C3orf49: variants seen among roughly 807,000 people sequenced by gnomAD.
C3orf49 encodes chromosome 3 open reading frame 49.
C3orf49 carries 27 observed loss-of-function variants against 13.3 expected under a neutral mutation model. That is an observed-to-expected ratio of 2.02 (90% confidence interval 1.49 to 2.79). C3orf49 has a LOEUF of 2.79. Among genes scored for constraint, C3orf49 ranks in the 30% most tolerant of loss-of-function variants. The probability of loss-of-function intolerance (pLI) is 0.00; values close to 1 mark genes in which losing one functional copy is unlikely to be tolerated. For missense variants in C3orf49, 242 were observed against 134.2 expected, an observed-to-expected ratio of 1.80 and a Z score of -3.97; for synonymous variants, 87 against 47.6, an observed-to-expected ratio of 1.83 and a Z score of -3.40.
intron 1 of C3orf49, among the ~76,000 whole-genome samples, chr3:63,821,401 T>G (rs1701392075): frequency 6.6e-6 from 1 of 152,186 alleles, no homozygotes; most frequent in Non-Finnish European, 1.5e-5. Flanking sequence ...ATATTAGAAA[T>G]ATATGTTATA....
chr3:63,781,200 C>G, the C3orf49 span, among the ~76,000 whole-genome samples: 8 of 150,716 alleles, frequency 5.3e-5, no homozygotes, highest in African/African-American at 2.0e-4. Flanking sequence ...TTTCAGCTTT[C>G]TACATATGGC....
the C3orf49 span, among the ~76,000 whole-genome samples, chr3:63,781,937 G>T: frequency 6.6e-6 from 1 of 152,152 alleles, no homozygotes; most frequent in African/African-American, 2.4e-5. Context: ...AAGACATTAG[G>T]TAACTTTCAG....
At chr3:63,821,604 C>T (rs568224375) in intron 1 of C3orf49, among the ~76,000 whole-genome samples, 2 of 152,082 alleles carry the variant, frequency 1.3e-5, no homozygotes, top group African/African-American at 4.8e-5. Context: ...ACATCATGGA[C>T]TATTACTCAG....
the C3orf49 span, among the ~76,000 whole-genome samples, chr3:63,797,219 T>TTCTC: frequency 6.6e-6 from 1 of 151,984 alleles, no homozygotes. Flanking sequence ...TTTCAAGATT[T>TTCTC]TCTCTCTCTC....
the C3orf49 span, among the ~76,000 whole-genome samples, chr3:63,801,384 T>TA: frequency 1.9e-4 from 28 of 149,106 alleles, no homozygotes; most frequent in South Asian, 1.3e-3. Context: ...TAGACAAAAA[T>TA]AAAAAAAAAC....
chr3:63,802,370 A>G, the C3orf49 span, among the ~76,000 whole-genome samples: 1 of 152,252 alleles, frequency 6.6e-6, no homozygotes, highest in South Asian at 2.1e-4. Context: ...TCAGAAAAGG[A>G]TAATGATATG....
chr3:63,816,518 A>T (rs1371269167), upstream of C3orf49, among the ~76,000 whole-genome samples: 3 of 151,664 alleles, frequency 2.0e-5, no homozygotes, highest in Admixed American at 2.0e-4. Context: ...CCCAGAAGGT[A>T]GAGGTTGCAG....
At chr3:63,819,826 A>T (rs1043859796) in intron 1 of C3orf49, among the ~76,000 whole-genome samples, 2 of 152,170 alleles carry the variant, frequency 1.3e-5, no homozygotes, top group African/African-American at 4.8e-5. Flanking sequence ...TTAAGTTTCA[A>T]TGTGGCATAG....
rs142736505 is a variant in C3orf49 at position 63,822,277 on chromosome 3, C to A, written c.126-973C>A. On this transcript the variant is annotated intron_variant, in intron 1 of 6. Coordinates refer to ENST00000295896, the MANE Select transcript of C3orf49 (RefSeq NM_001355236.2). Reference sequence around the variant, plus strand: ...GGCGTAAGCCACCGCGCCTGGCCCCCTCCCTGTATTTCTTACAATTGCATG... The same window carrying A: ...GGCGTAAGCCACCGCGCCTGGCCCCATCCCTGTATTTCTTACAATTGCATG... Among the ~76,000 whole-genome samples the A allele has an allele frequency of 5.3e-5, 8 of 152,280 alleles. 1 individual carries two copies. The East Asian group carries it at 1.5e-3, about 29-fold the overall frequency.
chr3:63,826,610 T>C (rs768020495), intron 2 of C3orf49, among the ~76,000 whole-genome samples: 5 of 152,168 alleles, frequency 3.3e-5, no homozygotes, highest in Admixed American at 6.5e-5. Flanking sequence ...AAGTGTCAAG[T>C]AGGCTAATGT....
the C3orf49 span, among the ~76,000 whole-genome samples, chr3:63,786,397 A>G: frequency 6.6e-6 from 1 of 152,192 alleles, no homozygotes; most frequent in African/African-American, 2.4e-5. Context: ...TTATCTGAAC[A>G]TTTCTCACAA....
chr3:63,823,766 TTGTG>T (rs55765936), intron 2 of C3orf49, among the ~76,000 whole-genome samples, 197 bp downstream of exon 2: 13,205 of 122,864 alleles, frequency 0.11, 693 homozygotes, highest in East Asian at 0.17. Context: ...GTTCATACCG[TTGTG>T]TGTGTGTGTG....
chr3:63,823,238 T>C lies in C3orf49; in HGVS notation c.126-12T>C. 1.5e-6 allele frequency: 1 copy of C among 673,784 alleles called. No individual in the cohort carries two copies. The allele number at this position is 673,784 out of a possible 1,614,324, so 41.7% of individuals were successfully genotyped here. ...CAGTTTCCCTAATATGAACCATTTTTATTTTGTTTAGATGGCATAGAGCTG... is the reference window on the plus strand; with the variant it reads ...CAGTTTCCCTAATATGAACCATTTTCATTTTGTTTAGATGGCATAGAGCTG... On this transcript the variant is annotated splice_polypyrimidine_tract_variant and intron_variant, in intron 1 of 6. Transcript: ENST00000295896.
the C3orf49 span, among the ~76,000 whole-genome samples, chr3:63,813,704 C>T: frequency 6.6e-6 from 1 of 152,320 alleles, no homozygotes; most frequent in South Asian, 2.1e-4. Flanking sequence ...ACCCTCTATA[C>T]ACTTCCCGAG....
chr3:63,806,852 A>C, the C3orf49 span, among the ~76,000 whole-genome samples: 1 of 152,176 alleles, frequency 6.6e-6, no homozygotes. Flanking sequence ...CATTTGACAC[A>C]TTGTATTATA....
chr3:63,818,345 C>A (rs549721351), upstream of C3orf49, among the ~76,000 whole-genome samples: 26 of 152,220 alleles, frequency 1.7e-4, no homozygotes, highest in East Asian at 4.8e-3. Context: ...CTCTCTTAGC[C>A]CCTTAACATT....
upstream of C3orf49, among the ~76,000 whole-genome samples, chr3:63,818,255 G>A (rs1701346867): frequency 6.6e-6 from 1 of 151,884 alleles, no homozygotes; most frequent in Admixed American, 6.5e-5. Context: ...GAGAAAACAA[G>A]CATGGGTGGG....
chr3:63,823,423 G>A lies in C3orf49; in HGVS notation c.299G>A (p.Ser100Asn). 1.4e-6 allele frequency: 1 copy of A among 703,192 alleles called. No individual in the cohort carries two copies. The allele number at this position is 703,192 out of a possible 1,614,324, so 43.6% of individuals were successfully genotyped here. Residue 100 changes from serine to asparagine, a missense_variant, in exon 2 of 7, where the codon AGC becomes AAC. Physicochemically the swap from Ser to Asn is conservative, Grantham distance 46 (BLOSUM62 1). Transcript: ENST00000295896. ...FGRMLSYKYR[S>N]KPACASQEGS... ...AGGATGCTGTCCTACAAGTATAGAA[G>A]CAAGCCAGCATGTGCCAGCCAAGAG...
chr3:63,808,236 A>G, the C3orf49 span, among the ~76,000 whole-genome samples: 2 of 152,230 alleles, frequency 1.3e-5, no homozygotes, highest in East Asian at 1.9e-4. Context: ...ATTGGTCACT[A>G]TGATTTGTCA....
Sources: gnomAD v4.1 joint callset for allele counts (sites outside exome capture counted in the v4.1 genomes callset) on GRCh38, gnomAD v4.1.1 for gene constraint, MANE v1.5 for transcripts, NCBI Gene and HGNC (gene_info 2026-07-23, HGNC 2026-07-21) for gene names.